Variants in SLIT1 observed in about 807,000 individuals in gnomAD.
SLIT1 encodes the protein slit homolog 1 protein.
Under a neutral mutation model 186.1 loss-of-function variants are expected in SLIT1, and 66 were observed. The observed-to-expected ratio is 0.35, with a 90% CI of 0.29 to 0.44. The LOEUF is 0.44. Ranked by LOEUF, SLIT1 falls within the 20% of genes least tolerant of loss-of-function variation. The probability of loss-of-function intolerance (pLI) is 1.00; values close to 1 mark genes in which losing one functional copy is unlikely to be tolerated. For missense variants in SLIT1, 1,638 were observed against 2,037.4 expected, an observed-to-expected ratio of 0.80 and a Z score of 3.77; for synonymous variants, 761 against 833.8, an observed-to-expected ratio of 0.91 and a Z score of 1.50.
In SLIT1 at chr10:97,048,989, G is replaced by A. The variant is rs73320652; in HGVS notation, c.1431C>T (p.Ile477=). ...GGAACTTCTTGCTCTTGATCTGCCC[G>A]ATGCGCTTGTTGGCGAGGCGCCGGG... ...ASPRRLANKR[I]GQIKSKKFRC... is the part of the protein sequence containing the mutation. The change falls in exon 14 of 37, where the codon ATC becomes ATT. Residue 477 remains isoleucine, a synonymous_variant. Coordinates refer to ENST00000266058, the MANE Select transcript of SLIT1 (RefSeq NM_003061.3). 11 of 1,609,710 alleles carry A rather than the reference G, an allele frequency of 6.8e-6. No individual in the cohort carries two copies. Among genetic ancestry groups the A allele is most frequent in the South Asian group, 3.3e-5 (3 of 91,012 alleles).
chr10:97,093,678 C>T (rs542479121), intron 4 of SLIT1, among the ~76,000 whole-genome samples: 3 of 152,214 alleles, frequency 2.0e-5, no homozygotes, highest in South Asian at 4.1e-4. Flanking sequence ...AGAAAAACTC[C>T]GATATCTTAG....
At chr10:97,179,362 G>GT (rs1850299463) in intron 1 of SLIT1, among the ~76,000 whole-genome samples, 1 of 152,224 alleles carries the variant, frequency 6.6e-6, no homozygotes, top group South Asian at 2.1e-4. Flanking sequence ...GGGAGGCTGA[G>GT]TGGGAGGATC....
chr10:97,164,812 T>C lies in SLIT1; in HGVS notation c.269+7A>G. On this transcript the variant is annotated splice_region_variant and intron_variant, in intron 2 of 36. Coordinates refer to ENST00000266058, the MANE Select transcript of SLIT1 (RefSeq NM_003061.3). ...GGGTGGGGTGGGAGGGAGCACCCCA[T>C]ACTCACAGCACCCGCAGCTGCTTGA... The C allele has an allele frequency of 6.2e-7, 1 of 1,609,880 alleles. No homozygotes were observed. The highest frequency in any genetic ancestry group is 2.2e-5 in the East Asian group (1 of 44,830).
chr10:97,015,616 A>T (rs1848448479), intron 28 of SLIT1, among the ~76,000 whole-genome samples: 1 of 152,252 alleles, frequency 6.6e-6, no homozygotes, highest in African/African-American at 2.4e-5. Context: ...CAACTGAGAG[A>T]AGAAAAGAAC....
At chr10:97,072,369 G>A (rs942926471) in intron 4 of SLIT1, among the ~76,000 whole-genome samples, 1 of 152,154 alleles carries the variant, frequency 6.6e-6, no homozygotes, top group African/African-American at 2.4e-5. Flanking sequence ...TCACTATGTT[G>A]TCCAGGCTGG....
Position 97,000,887 on chromosome 10 carries a change from G to T in SLIT1, c.*225C>A. 3.5e-6 allele frequency: 2 copies of T among 578,114 alleles called. No individual in the cohort carries two copies. Among genetic ancestry groups the T allele is most frequent in the Admixed American group, 6.0e-5 (2 of 33,362 alleles). 35.8% of individuals were successfully genotyped at this position (578,114 alleles called of 1,614,324 possible). A position where few individuals can be genotyped will look rare whatever the true frequency, so the allele number is the denominator to read the frequency against. On this transcript the variant is annotated 3_prime_UTR_variant, in exon 37 of 37. Coordinates refer to ENST00000266058, the MANE Select transcript of SLIT1 (RefSeq NM_003061.3). ...CGCCTATTTGTGCAAGGCACTTCCG[G>T]AGAGGGCAGCCCGCAGCTCAGGCCT...
intron 4 of SLIT1, among the ~76,000 whole-genome samples, chr10:97,096,386 C>T (rs112156418): frequency 2.0e-5 from 3 of 152,126 alleles, no homozygotes; most frequent in Admixed American, 6.5e-5. Flanking sequence ...CGAGCCCCCC[C>T]GCCAGCGCCC....
At chr10:97,036,032 G>A (rs1848635573) in intron 22 of SLIT1, among the ~76,000 whole-genome samples, 1 of 151,972 alleles carries the variant, frequency 6.6e-6, no homozygotes, top group African/African-American at 2.4e-5. Context: ...CCCCTCCCCT[G>A]CATCCTCCCT....
intron 28 of SLIT1, among the ~76,000 whole-genome samples, chr10:97,017,600 CGG>C (rs1450079540): frequency 9.2e-4 from 140 of 152,142 alleles, no homozygotes; most frequent in Non-Finnish European, 1.6e-3. Context: ...AGGGCAGGGC[CGG>C]AGGGCTATCC....
At chr10:97,086,324 C>G (rs938365852) in intron 4 of SLIT1, among the ~76,000 whole-genome samples, 1 of 152,106 alleles carries the variant, frequency 6.6e-6, no homozygotes, top group Non-Finnish European at 1.5e-5. Flanking sequence ...AATCCCAGCA[C>G]TTTGGGAGGC....
chr10:97,002,784 TG>T lies in SLIT1; in HGVS notation c.4073del (p.Pro1358GlnfsTer146). The T allele has an allele frequency of 6.2e-7, 1 of 1,613,784 alleles. No individual in the cohort carries two copies. The highest frequency in any genetic ancestry group is 8.5e-7 in the Non-Finnish European group (1 of 1,179,894). On this transcript the variant is annotated frameshift_variant, in exon 35 of 37. Transcript: ENST00000266058. LOFTEE classifies it high-confidence loss of function. ...LHGICQPNAT[P>X]GPMCHCEAGW... ...CAGCCTCGCAGTGGCACATGGGCCC[TG>T]GGGTGGCATTGGGCTGGCAGATGCC...
chr10:97,078,449 C>T (rs1239121342), intron 4 of SLIT1, among the ~76,000 whole-genome samples: 1 of 152,192 alleles, frequency 6.6e-6, no homozygotes, highest in Non-Finnish European at 1.5e-5. Context: ...CATAAAAGCA[C>T]CCAGGGTAAC....
chr10:97,137,010 C>T (rs1336455459), intron 4 of SLIT1, among the ~76,000 whole-genome samples: 1 of 152,196 alleles, frequency 6.6e-6, no homozygotes, highest in Non-Finnish European at 1.5e-5. Context: ...AACCAGCAAG[C>T]ATCCCTCCAA....
At chr10:97,063,418 C>A (rs372091710) in intron 8 of SLIT1, 37 bp downstream of exon 8, 2 of 1,610,074 alleles carry the variant, frequency 1.2e-6, no homozygotes, top group Admixed American at 1.7e-5. Context: ...GCAGGAGGCG[C>A]CGGACAGTTG....
At chr10:97,152,274 C>G (rs1331566560) in intron 4 of SLIT1, among the ~76,000 whole-genome samples, 2 of 152,144 alleles carry the variant, frequency 1.3e-5, no homozygotes, top group Admixed American at 1.3e-4. Flanking sequence ...AAAACAAAAC[C>G]CTGTTGGGGG....
chr10:97,041,968 TAA>T (rs1219217974), intron 20 of SLIT1, among the ~76,000 whole-genome samples: 1 of 152,086 alleles, frequency 6.6e-6, no homozygotes, highest in African/African-American at 2.4e-5. Context: ...CAGACATTTT[TAA>T]AAAGACTTGC....
intron 4 of SLIT1, among the ~76,000 whole-genome samples, chr10:97,106,601 G>A (rs573179954): frequency 6.6e-6 from 1 of 152,130 alleles, no homozygotes; most frequent in Admixed American, 6.5e-5. Flanking sequence ...GCTTATTTGG[G>A]GGAAATCTTT....
At chr10:97,129,734 A>G (rs1229754973) in intron 4 of SLIT1, among the ~76,000 whole-genome samples, 1 of 151,842 alleles carries the variant, frequency 6.6e-6, no homozygotes, top group Middle Eastern at 3.2e-3. Flanking sequence ...TGCTGTCTTC[A>G]CTCCCTCATC....
chr10:97,059,046 A>T (rs1448900516), intron 11 of SLIT1, among the ~76,000 whole-genome samples: 4 of 152,210 alleles, frequency 2.6e-5, no homozygotes, highest in Non-Finnish European at 4.4e-5. Flanking sequence ...GTTGTGGCAG[A>T]TGTCACAACT....
Sources: allele counts gnomAD v4.1 joint callset (sites outside exome capture counted in the v4.1 genomes callset), GRCh38; gene constraint gnomAD v4.1.1; transcripts MANE v1.5; gene names NCBI Gene and HGNC (gene_info 2026-07-23, HGNC 2026-07-21).